The following RAB33A variants were observed in gnomAD, a reference collection of about 807,000 sequenced individuals.
RAB33A encodes RAB33A, member RAS oncogene family.
Under a neutral mutation model 12.0 loss-of-function variants are expected in RAB33A, and 6 were observed. The observed-to-expected ratio is 0.50, with a 90% CI of 0.27 to 0.99. The LOEUF is 0.99. Among genes scored for constraint, RAB33A ranks in the 50% least tolerant of loss-of-function variants. RAB33A has a pLI of 0.11. For synonymous variants in RAB33A, 70 were observed against 82.4 expected, an observed-to-expected ratio of 0.85 and a Z score of 0.81; for missense variants, 109 against 192.0, an observed-to-expected ratio of 0.57 and a Z score of 2.55.
the RAB33A span, among the ~76,000 whole-genome samples, chrX:130,131,380 TAGAA>T: frequency 1.8e-5 from 2 of 112,451 alleles, no homozygotes; most frequent in African/African-American, 6.5e-5. Context: ...TTTTCTTCCT[TAGAA>T]AGGTCTTCCC....
chrX:130,139,407 C>T, the RAB33A span, among the ~76,000 whole-genome samples: 2 of 111,064 alleles, frequency 1.8e-5, no homozygotes, highest in Admixed American at 9.6e-5. Flanking sequence ...TGTTAAGAAG[C>T]AGAACACCTC....
At chrX:130,163,683 G>A in the RAB33A span, among the ~76,000 whole-genome samples, 2 of 112,190 alleles carry the variant, frequency 1.8e-5, no homozygotes, top group African/African-American at 6.5e-5. Context: ...ATTTGAGTCT[G>A]TATTTTTCAG....
chrX:130,146,922 G>A, the RAB33A span, among the ~76,000 whole-genome samples: 1 of 112,418 alleles, frequency 8.9e-6, no homozygotes, highest in African/African-American at 3.2e-5. Flanking sequence ...AGCAATTTGG[G>A]AGGCCGAGGA....
At chrX:130,142,132 G>A in the RAB33A span, among the ~76,000 whole-genome samples, 1 of 111,855 alleles carries the variant, frequency 8.9e-6, no homozygotes, top group Non-Finnish European at 1.9e-5. Flanking sequence ...AGAGTTTAGT[G>A]GCCAAGACAA....
chrX:130,154,503 C>T, the RAB33A span, among the ~76,000 whole-genome samples: 1 of 112,388 alleles, frequency 8.9e-6, no homozygotes, highest in Non-Finnish European at 1.9e-5. Context: ...GAATGAGAGG[C>T]ATTACAGAAA....
At chrX:130,182,209 AAT>A (rs1221369975) in intron 1 of RAB33A, among the ~76,000 whole-genome samples, 1 of 99,851 alleles carries the variant, frequency 1.0e-5, no homozygotes. Context: ...ATATACACAC[AAT>A]ATATATAACA....
chrX:130,141,908 TCTAA>T, the RAB33A span, among the ~76,000 whole-genome samples: 1 of 112,136 alleles, frequency 8.9e-6, no homozygotes, highest in Non-Finnish European at 1.9e-5. Flanking sequence ...GCTGCTCCAT[TCTAA>T]CTAATTTGGG....
At chrX:130,117,832 C>G in the RAB33A span, among the ~76,000 whole-genome samples, 3 of 112,479 alleles carry the variant, frequency 2.7e-5, no homozygotes, top group African/African-American at 9.7e-5. Context: ...AACTGCTGGC[C>G]CAACACCTGT....
chrX:130,135,017 G>A, the RAB33A span, among the ~76,000 whole-genome samples: 13 of 110,332 alleles, frequency 1.2e-4, no homozygotes, highest in African/African-American at 4.3e-4. Context: ...AATATTAATG[G>A]TTGCTGCAGG....
chrX:130,150,375 G>A, the RAB33A span, among the ~76,000 whole-genome samples: 10 of 69,495 alleles, frequency 1.4e-4, no homozygotes, highest in African/African-American at 5.6e-4. Context: ...TCGCTCTGTT[G>A]CCCAGGCTGG....
At chrX:130,167,849 C>CTT (rs759948930), upstream of RAB33A, among the ~76,000 whole-genome samples, 425 of 97,691 alleles carry the variant, frequency 4.4e-3, 3 homozygotes, top group African/African-American at 0.015. Flanking sequence ...AATGAAGTTA[C>CTT]TTTTTTTTTT....
At chrX:130,166,264 T>G in the RAB33A span, among the ~76,000 whole-genome samples, 1 of 111,595 alleles carries the variant, frequency 9.0e-6, no homozygotes, top group South Asian at 3.7e-4. Context: ...GGCGTGTACT[T>G]CCATCTTTTA....
the RAB33A span, among the ~76,000 whole-genome samples, chrX:130,113,504 A>G: frequency 1.9e-5 from 2 of 105,258 alleles, no homozygotes; most frequent in African/African-American, 3.5e-5. Context: ...GCTCACCGCA[A>G]CCTCTGCCTC....
the RAB33A span, among the ~76,000 whole-genome samples, chrX:130,160,883 AAAATAAAT>A: frequency 4.2e-4 from 45 of 107,070 alleles, no homozygotes; most frequent in East Asian, 8.6e-4. Context: ...TCTCTACTTA[AAAATAAAT>A]AAATAAATAA....
At chrX:130,169,879 C>A (rs1339564624), upstream of RAB33A, among the ~76,000 whole-genome samples, 1 of 112,247 alleles carries the variant, frequency 8.9e-6, no homozygotes, top group African/African-American at 3.2e-5. Context: ...TTAATAGTTA[C>A]CCCTCTCCAC....
the RAB33A span, chrX:130,133,406 A>G: frequency 1.7e-6 from 2 of 1,207,236 alleles, no homozygotes; most frequent in Non-Finnish European, 2.2e-6. Flanking sequence ...ATGGTGCTCT[A>G]CCCGCCTCCT....
the RAB33A span, chrX:130,140,520 C>T: frequency 3.3e-6 from 4 of 1,197,788 alleles, no homozygotes; most frequent in Non-Finnish European, 4.5e-6. Flanking sequence ...AAGCCATCTC[C>T]AGAAATGCTC....
rs1556296471 is a variant in RAB33A, at chrX:130,182,181, T to TAC, written c.259-2100_259-2099dup. 1.8e-4 allele frequency among the ~76,000 whole-genome samples: 14 copies of TAC among 77,483 alleles called. No homozygotes were observed. In the East Asian group the frequency reaches 1.8e-3, roughly 10 times the overall value. The allele number at this position is 77,483 out of a possible 115,157, so 67.3% of individuals were successfully genotyped here. On this transcript the variant is annotated intron_variant, in intron 1 of 1. Transcript: ENST00000257017. The stretch of plus-strand genomic sequence containing the variant: ...AAATATATATATATATATATATATA[T>TAC]ACACATATATATAACATATATACAC...
chrX:130,114,809 C>T, the RAB33A span, among the ~76,000 whole-genome samples: 3 of 111,709 alleles, frequency 2.7e-5, no homozygotes, highest in South Asian at 1.1e-3. Context: ...TCTCCTTTTT[C>T]TTTTTTTCCA....
Sources: gnomAD v4.1 joint callset for allele counts (sites outside exome capture counted in the v4.1 genomes callset) on GRCh38, gnomAD v4.1.1 for gene constraint, MANE v1.5 for transcripts, NCBI Gene and HGNC (gene_info 2026-07-23, HGNC 2026-07-21) for gene names.